Variants in MAGED1 observed in about 807,000 individuals in gnomAD.
MAGED1 encodes MAGE family member D1, also known as melanoma-associated antigen D1.
Under a neutral mutation model 54.1 loss-of-function variants are expected in MAGED1, and 3 were observed. The observed-to-expected ratio is 0.06, with a 90% CI of 0.03 to 0.14. The LOEUF (loss-of-function observed/expected upper bound fraction) is 0.14. Among genes scored for constraint, MAGED1 ranks in the 10% least tolerant of loss-of-function variants. The pLI, the probability that MAGED1 is intolerant of heterozygous loss-of-function variation, is 1.00. For synonymous variants in MAGED1, 217 were observed against 227.3 expected, an observed-to-expected ratio of 0.95 and a Z score of 0.41; for missense variants, 485 against 623.4, an observed-to-expected ratio of 0.78 and a Z score of 2.36.
intron 1 of MAGED1, among the ~76,000 whole-genome samples, chrX:51,871,066 A>G (rs1421599173): frequency 8.9e-6 from 1 of 112,415 alleles, no homozygotes; most frequent in Non-Finnish European, 1.9e-5. Context: ...CTCGGTGACA[A>G]CAGGAGCCCA....
intron 1 of MAGED1, among the ~76,000 whole-genome samples, chrX:51,832,574 A>ACTCCACTT (rs1430620862): frequency 9.1e-6 from 1 of 109,763 alleles, no homozygotes; most frequent in African/African-American, 3.3e-5. Flanking sequence ...TATCTTTTTG[A>ACTCCACTT]CTCCACTTCT....
intron 1 of MAGED1, among the ~76,000 whole-genome samples, chrX:51,861,545 T>A (rs1049207427): frequency 4.5e-5 from 5 of 112,315 alleles, no homozygotes; most frequent in African/African-American, 1.6e-4. Flanking sequence ...ATAGCATACT[T>A]TCTGGTTAAT....
chrX:51,851,687 A>T (rs1169774144), intron 1 of MAGED1, among the ~76,000 whole-genome samples: 1 of 109,028 alleles, frequency 9.2e-6, no homozygotes, highest in African/African-American at 3.3e-5. Context: ...GATGACTCAT[A>T]GACAGGGAGC....
chrX:51,870,879 A>G (rs1927645398), intron 1 of MAGED1: 1 of 112,781 alleles, frequency 8.9e-6, no homozygotes, highest in African/African-American at 3.2e-5. Context: ...AAGGTATTTC[A>G]TGGATGACAA....
intron 1 of MAGED1, among the ~76,000 whole-genome samples, chrX:51,865,255 A>G (rs7886851): frequency 0.28 from 31,299 of 111,190 alleles, 3,301 homozygotes; most frequent in Middle Eastern, 0.33. Flanking sequence ...TCCTGAGTAT[A>G]TCTTAGAATG....
At chrX:51,882,609 CAAAAAA>C (rs35286327) in intron 1 of MAGED1, among the ~76,000 whole-genome samples, 1 of 44,377 alleles carries the variant, frequency 2.3e-5, no homozygotes, top group African/African-American at 7.6e-5. Context: ...AGGGCACAGA[CAAAAAA>C]AAAAAAAAAA....
chrX:51,867,968 G>A (rs890179258), intron 1 of MAGED1, among the ~76,000 whole-genome samples: 15 of 112,276 alleles, frequency 1.3e-4, no homozygotes, highest in Non-Finnish European at 2.3e-4. Context: ...GGATATTTTA[G>A]GAAGACTGTA....
chrX:51,885,773 GAGAT>G (rs782350167), intron 1 of MAGED1, among the ~76,000 whole-genome samples: 1 of 110,866 alleles, frequency 9.0e-6, no homozygotes, highest in South Asian at 3.8e-4. Flanking sequence ...TATATGGTGA[GAGAT>G]AGGTCCAAAA....
chrX:51,806,302 G>A (rs1293752647), intron 1 of MAGED1, among the ~76,000 whole-genome samples: 1 of 111,655 alleles, frequency 9.0e-6, no homozygotes, highest in African/African-American at 3.3e-5. Flanking sequence ...AGTGAACTCG[G>A]CTGTGTAACC....
intron 1 of MAGED1, chrX:51,857,034 C>G (rs942955666): frequency 9.0e-6 from 1 of 111,412 alleles, no homozygotes; most frequent in Non-Finnish European, 1.9e-5. Context: ...TCAAAAAGCC[C>G]TTTGTCAGTG....
At chrX:51,863,835 G>GTT (rs200915523) in intron 1 of MAGED1, among the ~76,000 whole-genome samples, 3 of 108,604 alleles carry the variant, frequency 2.8e-5, no homozygotes, top group East Asian at 5.8e-4. Context: ...ATTTGTGTGT[G>GTT]TTTTTTTTTA....
chrX:51,868,735 C>T (rs782108723), intron 1 of MAGED1, among the ~76,000 whole-genome samples: 43 of 110,631 alleles, frequency 3.9e-4, no homozygotes, highest in Non-Finnish European at 5.7e-4. Flanking sequence ...GTGGATGGGA[C>T]ATGTTGATGT....
At chrX:51,855,575 T>G (rs963101754) in intron 1 of MAGED1, among the ~76,000 whole-genome samples, 3 of 111,603 alleles carry the variant, frequency 2.7e-5, no homozygotes, top group East Asian at 5.6e-4. Context: ...CACATGGTTT[T>G]CCTTCTCTGT....
chrX:51,862,159 A>G (rs1287144227), intron 1 of MAGED1, among the ~76,000 whole-genome samples: 1 of 111,246 alleles, frequency 9.0e-6, no homozygotes, highest in African/African-American at 3.3e-5. Flanking sequence ...GGATATTTGT[A>G]TATCTGTTGT....
intron 1 of MAGED1, among the ~76,000 whole-genome samples, chrX:51,881,434 A>G (rs1241397918): frequency 2.2e-5 from 2 of 92,803 alleles, no homozygotes; most frequent in Non-Finnish European, 4.4e-5. Context: ...TTTTTTTTTG[A>G]GATGGAGTTT....
rs1557364344 is a variant in MAGED1 at position 51,896,827 on chromosome X, G to C, written c.1172G>C (p.Gly391Ala). The C allele has an allele frequency of 8.3e-7, 1 of 1,204,705 alleles. No homozygotes were observed. Among genetic ancestry groups the C allele is most frequent in the Admixed American group, 2.2e-5 (1 of 45,392 alleles). Residue 391 changes from glycine to alanine, a missense_variant, in exon 4 of 13, where the codon GGC becomes GCC. Around this residue, in one of 2 missense-constraint regions of MAGED1, gnomAD observed 186 missense variants for 330.3 expected, o/e 0.56. Coordinates refer to ENST00000326587, the MANE Select transcript of MAGED1 (RefSeq NM_006986.4). Reference protein sequence around the residue: ...QTPPGWQTPPGWQGPPDWQGP... With the variant: ...QTPPGWQTPPAWQGPPDWQGP... ...CCACCTGGATGGCAGACCCCACCGGGCTGGCAGGGTCCTCCAGACTGGCAA... is the reference window on the plus strand; with the variant it reads ...CCACCTGGATGGCAGACCCCACCGGCCTGGCAGGGTCCTCCAGACTGGCAA...
intron 1 of MAGED1, among the ~76,000 whole-genome samples, chrX:51,884,857 A>G (rs1374034901): frequency 8.9e-6 from 1 of 112,518 alleles, no homozygotes; most frequent in Non-Finnish European, 1.9e-5. Flanking sequence ...AGGCTAAAGA[A>G]TAAAAGCCAT....
At chrX:51,821,542 C>T (rs1925634283) in intron 1 of MAGED1, among the ~76,000 whole-genome samples, 1 of 111,095 alleles carries the variant, frequency 9.0e-6, no homozygotes, top group South Asian at 3.8e-4. Flanking sequence ...AGGCACATGC[C>T]ACCTTGCCGG....
intron 1 of MAGED1, among the ~76,000 whole-genome samples, chrX:51,815,656 G>T (rs1190155582): frequency 9.2e-6 from 1 of 109,119 alleles, no homozygotes; most frequent in Admixed American, 9.8e-5. Flanking sequence ...CGGAGTTCTG[G>T]GATTTTAGGC....
Sources: allele counts gnomAD v4.1 joint callset (sites outside exome capture counted in the v4.1 genomes callset), GRCh38; gene constraint gnomAD v4.1.1; regional missense constraint gnomAD v4.1.1; transcripts MANE v1.5; gene names NCBI Gene and HGNC (gene_info 2026-07-23, HGNC 2026-07-21).